Variants in PPFIBP1 observed in about 807,000 individuals in gnomAD.
The protein encoded by PPFIBP1 is PPFIB scaffold protein 1, also known as liprin-beta-1.
PPFIBP1 carries 112 observed loss-of-function variants against 137.8 expected under a neutral mutation model. That is an observed-to-expected ratio of 0.81 (90% confidence interval 0.70 to 0.95). PPFIBP1 has a LOEUF of 0.95. PPFIBP1 is among the 40% of genes least tolerant of loss of function. The pLI, the probability that PPFIBP1 is intolerant of heterozygous loss-of-function variation, is 0.00. For missense variants in PPFIBP1, 1,083 were observed against 1,196.6 expected (o/e 0.91, Z 1.40); for synonymous variants, 378 against 417.3 (o/e 0.91, Z 1.15).
At position 27,643,445 on chromosome 12, in the gene PPFIBP1, G is replaced by C. The variant is rs527865591; in HGVS notation, c.271-2617G>C. 3.0e-5 allele frequency among the ~76,000 whole-genome samples: 4 copies of C among 132,518 alleles called. 1 individual carries two copies. The highest frequency in any genetic ancestry group is 3.2e-5 in the African/African-American group (1 of 31,416). The allele number at this position is 132,518 out of a possible 152,430, so 86.9% of individuals were successfully genotyped here. On this transcript the variant is annotated intron_variant, in intron 4 of 29. Coordinates refer to ENST00000228425, the MANE Select transcript of PPFIBP1 (RefSeq NM_003622.4). ...CAGAGTAATGCCTGCTGTAATGAAGGTTCATGTAGATACTGTCGCTGGCAT... is the reference window on the plus strand; with the variant it reads ...CAGAGTAATGCCTGCTGTAATGAAGCTTCATGTAGATACTGTCGCTGGCAT...
chr12:27,595,476 C>A (rs983836262), intron 2 of PPFIBP1, among the ~76,000 whole-genome samples: 2 of 152,118 alleles, frequency 1.3e-5, no homozygotes, highest in Non-Finnish European at 2.9e-5. Context: ...AACAGAAAGA[C>A]CTGAATTAGA....
At position 27,604,175 on chromosome 12, in the gene PPFIBP1, C is replaced by T. The variant is rs551896353; in HGVS notation, c.-36+25936C>T. 6.6e-5 allele frequency among the ~76,000 whole-genome samples: 10 copies of T among 152,218 alleles called. 1 individual carries two copies. In the East Asian group the frequency reaches 9.6e-4, roughly 15 times the overall value. On this transcript the variant is annotated intron_variant, in intron 2 of 29. Transcript: ENST00000228425. Reference sequence around the variant, plus strand: ...AAGGGTTCAGAGGCAGACTGACTGGCGTCCAGCTCCAGACTAACCCAGTTG... The same window carrying T: ...AAGGGTTCAGAGGCAGACTGACTGGTGTCCAGCTCCAGACTAACCCAGTTG...
chr12:27,528,174 C>G (rs1250856481), intron 1 of PPFIBP1, among the ~76,000 whole-genome samples: 2 of 152,108 alleles, frequency 1.3e-5, no homozygotes, highest in Non-Finnish European at 1.5e-5. Flanking sequence ...GTCTCGAACT[C>G]CTGACCTCAG....
chr12:27,578,366 C>A (rs113779751), intron 2 of PPFIBP1, 127 bp downstream of exon 2: 1 of 152,090 alleles, frequency 6.6e-6, no homozygotes, highest in Non-Finnish European at 1.5e-5. Flanking sequence ...CTCATTAAGT[C>A]TAGGAGTGTT....
chr12:27,615,759 A>G (rs1361521999), intron 2 of PPFIBP1, among the ~76,000 whole-genome samples: 1 of 152,192 alleles, frequency 6.6e-6, no homozygotes, highest in Non-Finnish European at 1.5e-5. Context: ...GAGGCAGAGT[A>G]GAGGGAAGAA....
intron 1 of PPFIBP1, among the ~76,000 whole-genome samples, chr12:27,576,965 A>C (rs998944968): frequency 1.3e-5 from 2 of 152,172 alleles, no homozygotes; most frequent in Non-Finnish European, 2.9e-5. Flanking sequence ...AGCGCACCCT[A>C]GTCTTAAAAT....
At chr12:27,645,359 GGAA>G (rs1255488321) in intron 4 of PPFIBP1, among the ~76,000 whole-genome samples, 2 of 152,178 alleles carry the variant, frequency 1.3e-5, no homozygotes, top group African/African-American at 4.8e-5. Flanking sequence ...AGGCAGCTGA[GGAA>G]GAAACAATCT....
chr12:27,634,002 A>G (rs1253979344), intron 3 of PPFIBP1, among the ~76,000 whole-genome samples: 3 of 151,476 alleles, frequency 2.0e-5, no homozygotes, highest in Non-Finnish European at 4.4e-5. Context: ...ACGCCTGGCT[A>G]ATTTTTGTAT....
At chr12:27,575,833 A>C (rs545144262) in intron 1 of PPFIBP1, among the ~76,000 whole-genome samples, 1 of 152,286 alleles carries the variant, frequency 6.6e-6, no homozygotes, top group African/African-American at 2.4e-5. Flanking sequence ...GCGAGTGGCT[A>C]TGTTGGTTAG....
intron 2 of PPFIBP1, among the ~76,000 whole-genome samples, chr12:27,618,693 T>A (rs2056032499): frequency 6.6e-6 from 1 of 152,206 alleles, no homozygotes; most frequent in Non-Finnish European, 1.5e-5. Context: ...CTAAAATGTA[T>A]AAAAGCAAGT....
At chr12:27,679,911 C>A in intron 20 of PPFIBP1, 22 bp from the exon 21 acceptor site, 1 of 1,613,720 alleles carries the variant, frequency 6.2e-7, no homozygotes, top group Non-Finnish European at 8.5e-7. Context: ...CTAATACTGG[C>A]CATGTGTGTT....
chr12:27,672,038 T>C (rs2060231374), intron 14 of PPFIBP1, among the ~76,000 whole-genome samples: 1 of 151,772 alleles, frequency 6.6e-6, no homozygotes, highest in Non-Finnish European at 1.5e-5. Context: ...ATCACTCTAC[T>C]CCAGCCTGGG....
chr12:27,532,548 G>T (rs1253648355), intron 1 of PPFIBP1, among the ~76,000 whole-genome samples: 1 of 151,584 alleles, frequency 6.6e-6, no homozygotes, highest in Non-Finnish European at 1.5e-5. Context: ...CTATTTATTG[G>T]TCCTTTTGGA....
intron 2 of PPFIBP1, among the ~76,000 whole-genome samples, chr12:27,620,824 C>T (rs2138543569): frequency 6.6e-6 from 1 of 152,322 alleles, no homozygotes; most frequent in Middle Eastern, 3.4e-3. Flanking sequence ...TGTTATTCCT[C>T]TTGCTTGCTT....
chr12:27,581,980 A>G (rs190469678), intron 2 of PPFIBP1, among the ~76,000 whole-genome samples: 2,647 of 147,098 alleles, frequency 0.018, 78 homozygotes, highest in African/African-American at 0.063. Context: ...GTGTGTGTGT[A>G]CGTATGTGTG....
intron 2 of PPFIBP1, among the ~76,000 whole-genome samples, chr12:27,578,749 G>A (rs1444833461): frequency 1.3e-5 from 2 of 152,168 alleles, no homozygotes; most frequent in African/African-American, 4.8e-5. Context: ...CAAGTGACAG[G>A]CATTTGATTA....
At chr12:27,578,501 G>A (rs4491267) in intron 2 of PPFIBP1, among the ~76,000 whole-genome samples, 81,964 of 151,240 alleles carry the variant, frequency 0.54, 23,987 homozygotes, top group South Asian at 0.73. Flanking sequence ...TGAGAAGGAA[G>A]ACACAGACTT....
chr12:27,586,113 C>T (rs1040209712), intron 2 of PPFIBP1, among the ~76,000 whole-genome samples: 6 of 152,128 alleles, frequency 3.9e-5, no homozygotes, highest in African/African-American at 1.4e-4. Flanking sequence ...TTACCACAGC[C>T]CTTTGAGGCT....
At chr12:27,642,418 G>C (rs947179166) in intron 4 of PPFIBP1, among the ~76,000 whole-genome samples, 2 of 152,228 alleles carry the variant, frequency 1.3e-5, no homozygotes, top group African/African-American at 4.8e-5. Flanking sequence ...CTCAACAAGA[G>C]TTTATACTTA....
Sources: allele counts gnomAD v4.1 joint callset (sites outside exome capture counted in the v4.1 genomes callset), GRCh38; gene constraint gnomAD v4.1.1; transcripts MANE v1.5; gene names NCBI Gene and HGNC (gene_info 2026-07-23, HGNC 2026-07-21).